Variants in SAAL1 observed in about 807,000 individuals in gnomAD.
The protein encoded by SAAL1 is serum amyloid A like 1, also known as protein SAAL1.
In SAAL1, 42 loss-of-function variants were observed where a neutral mutation model predicts 59.8. The observed-to-expected ratio is 0.70, with a 90% CI of 0.55 to 0.91. SAAL1 has a LOEUF of 0.91. SAAL1 is among the 40% of genes least tolerant of loss of function. SAAL1 has a pLI of 0.00. For missense variants in SAAL1, 542 were observed against 561.1 expected, an observed-to-expected ratio of 0.97 and a Z score of 0.34; for synonymous variants, 191 against 194.3, an observed-to-expected ratio of 0.98 and a Z score of 0.14.
intron 10 of SAAL1, among the ~76,000 whole-genome samples, chr11:18,082,205 A>G (rs1030585123): frequency 2.6e-5 from 4 of 152,036 alleles, no homozygotes; most frequent in Non-Finnish European, 5.9e-5. Flanking sequence ...AAAGAATGGG[A>G]AAAAAATACA....
intron 5 of SAAL1, 37 bp downstream of exon 5, chr11:18,090,397 G>A (rs1848511269): frequency 6.3e-7 from 1 of 1,588,910 alleles, no homozygotes; most frequent in Non-Finnish European, 8.5e-7. Flanking sequence ...CTACTCTTAT[G>A]AGTAACCTTA....
At position 18,087,149 on chromosome 11, in the gene SAAL1, C is replaced by G. The variant is rs775586584; in HGVS notation, c.847G>C (p.Ala283Pro). The G allele has an allele frequency of 6.2e-7, 1 of 1,612,136 alleles. No homozygotes were observed. The highest frequency in any genetic ancestry group is 1.1e-5 in the South Asian group (1 of 91,016). ...TCCCGATAAACCACCTTACCAATTG[C>G]TTGAATTCCATCATCCACTGTAGTA... The part of the protein sequence containing the change: ...LLTTVDDGIQ[A>P]IVHCPDTGKD... The change falls in exon 8 of 12, where the codon GCA (alanine) becomes CCA (proline). Residue 283 changes from alanine to proline, a missense_variant. Transcript: ENST00000524803.
At chr11:18,089,719 A>T (rs1292523835) in intron 6 of SAAL1, among the ~76,000 whole-genome samples, 1 of 152,178 alleles carries the variant, frequency 6.6e-6, no homozygotes, top group African/African-American at 2.4e-5. Context: ...GGAGTTTAAG[A>T]AATTTTGTAT....
chr11:18,103,922 T>C (rs1306339697), intron 1 of SAAL1, among the ~76,000 whole-genome samples: 3 of 152,328 alleles, frequency 2.0e-5, no homozygotes, highest in African/African-American at 7.2e-5. Flanking sequence ...TTCCTTGATT[T>C]AACACAATCA....
In SAAL1 at chr11:18,092,284, T is replaced by G; in HGVS notation, c.374A>C (p.Gln125Pro). Residue 125 changes from glutamine (Q) to proline (P), a missense_variant, in exon 4 of 12, where the codon CAG becomes CCG. Physicochemically the swap from Gln to Pro is moderately conservative, Grantham distance 76. Coordinates refer to ENST00000524803, the MANE Select transcript of SAAL1 (RefSeq NM_138421.3). ...ACTGCTGATGGACACACATATCTCC[T>G]GGAAACAGGCCATATTACCTAAAAT... ...VGILGNMACF[Q>P]EICVSISSDK... is the part of the protein sequence containing the mutation. The G allele has an allele frequency of 3.7e-6, 6 of 1,608,028 alleles. No individual in the cohort carries two copies. In the South Asian group the frequency reaches 6.6e-5, roughly 18 times the overall value.
rs748092915 is a variant in SAAL1, at chr11:18,090,466, A to G, written c.441T>C (p.Asp147=). ...LGQVLLHCLY[D]SDPPTLLETS... The stretch of plus-strand genomic sequence containing the variant: ...TTTCCAGCAGAGTAGGTGGGTCTGA[A>G]TCATACAAACAGTGCAATAACACCT... Residue 147 remains aspartate, a synonymous_variant, in exon 5 of 12, where the codon GAT becomes GAC. Transcript: ENST00000524803. The G allele has an allele frequency of 8.1e-6, 13 of 1,610,858 alleles. No homozygotes were observed. Among genetic ancestry groups the G allele is most frequent in the Non-Finnish European group, 1.0e-5 (12 of 1,179,232 alleles).
intron 4 of SAAL1, among the ~76,000 whole-genome samples, chr11:18,091,461 G>A (rs1848522809): frequency 1.3e-5 from 2 of 152,126 alleles, no homozygotes; most frequent in Admixed American, 1.3e-4. Context: ...CTCTGAACTA[G>A]GATCTTAAAG....
chr11:18,088,436 T>C (rs544068487), intron 7 of SAAL1, among the ~76,000 whole-genome samples: 93 of 152,254 alleles, frequency 6.1e-4, no homozygotes, highest in African/African-American at 2.2e-3. Context: ...GACCGAAGCA[T>C]GAGAGTGAAA....
chr11:18,080,295 T>C lies in SAAL1; in HGVS notation c.*104A>G. 1.4e-6 allele frequency: 1 copy of C among 712,422 alleles called. No individual in the cohort carries two copies. Among genetic ancestry groups the C allele is most frequent in the Non-Finnish European group, 2.3e-6 (1 of 433,002 alleles). 44.1% of individuals were successfully genotyped at this position (712,422 alleles called of 1,614,324 possible). ...GAAAAATGTTAACACCAGACAATTA[T>C]GGTCTAATATGGGCTTTAGTTAATA... On this transcript the variant is annotated 3_prime_UTR_variant, in exon 12 of 12. Transcript: ENST00000524803.
intron 9 of SAAL1, among the ~76,000 whole-genome samples, chr11:18,085,782 A>C (rs544303239): frequency 6.6e-6 from 1 of 152,238 alleles, no homozygotes; most frequent in Admixed American, 6.5e-5. Flanking sequence ...TGAAATTTCA[A>C]ATCAGTGTGG....
chr11:18,091,358 C>T (rs1002629195), intron 4 of SAAL1, among the ~76,000 whole-genome samples: 10 of 152,186 alleles, frequency 6.6e-5, no homozygotes, highest in Non-Finnish European at 1.3e-4. Flanking sequence ...TAACATTTCT[C>T]ATTTTTGGAT....
rs767943178 is a variant in SAAL1, at chr11:18,090,396, T to C, written c.473+38A>G. 2.5e-6 allele frequency: 4 copies of C among 1,588,584 alleles called. No individual in the cohort carries two copies. The African/African-American group carries it at 4.1e-5, about 16-fold the overall frequency. ...AACTTTTTTTTCTTATCTACTCTTA[T>C]GAGTAACCTTATAGAATTCATAAAA... On this transcript the variant is annotated intron_variant, in intron 5 of 11. Coordinates refer to ENST00000524803, the MANE Select transcript of SAAL1 (RefSeq NM_138421.3).
chr11:18,083,285 GT>G (rs1848429338), intron 10 of SAAL1: 1 of 262,650 alleles, frequency 3.8e-6, no homozygotes, highest in South Asian at 1.1e-4. Flanking sequence ...CATATGCTGG[GT>G]TAAAGTATAT....
chr11:18,097,668 A>G (rs1177235170), intron 2 of SAAL1, among the ~76,000 whole-genome samples: 1 of 151,938 alleles, frequency 6.6e-6, no homozygotes, highest in Non-Finnish European at 1.5e-5. Context: ...GTGAAAACCC[A>G]TATCCACAAA....
chr11:18,104,898 A>G (rs1269266286), intron 1 of SAAL1, among the ~76,000 whole-genome samples: 2 of 152,154 alleles, frequency 1.3e-5, no homozygotes, highest in Non-Finnish European at 2.9e-5. Context: ...AAAGAAGATT[A>G]TTCTGGCAGC....
intron 2 of SAAL1, among the ~76,000 whole-genome samples, chr11:18,097,767 G>A (rs1359429745): frequency 2.0e-5 from 3 of 151,734 alleles, no homozygotes; most frequent in Non-Finnish European, 4.4e-5. Context: ...TGAGCCTGGG[G>A]AGCTCAAGGT....
At chr11:18,083,224 A>G (rs1848428884) in intron 10 of SAAL1, 1 of 164,822 alleles carries the variant, frequency 6.1e-6, no homozygotes, top group African/African-American at 2.4e-5. Context: ...TAGAATCAAG[A>G]AAAATGTTTA....
In SAAL1 at chr11:18,086,910, A is replaced by G. The variant is rs773615171; in HGVS notation, c.998T>C (p.Ile333Thr). 4.3e-6 allele frequency: 7 copies of G among 1,614,066 alleles called. No homozygotes were observed. The South Asian group carries it at 6.6e-5, about 15-fold the overall frequency. Residue 333 changes from isoleucine (I) to threonine (T), a missense_variant, in exon 9 of 12, where the codon ATC becomes ACC. Coordinates refer to ENST00000524803, the MANE Select transcript of SAAL1 (RefSeq NM_138421.3). ...LASVFSVLSA[I>T]YASQTEQEYL... ...CTCTTGCTCAGTCTGTGAGGCATAG[A>G]TGGCAGACAACACTGAAAAAACAGA...
At chr11:18,101,272 C>T (rs1848630631) in intron 2 of SAAL1, among the ~76,000 whole-genome samples, 1 of 152,170 alleles carries the variant, frequency 6.6e-6, no homozygotes, top group Admixed American at 6.5e-5. Flanking sequence ...AGCCATGCCA[C>T]TTGATATATG....
Sources: allele counts gnomAD v4.1 joint callset (sites outside exome capture counted in the v4.1 genomes callset), GRCh38; gene constraint gnomAD v4.1.1; transcripts MANE v1.5; gene names NCBI Gene and HGNC (gene_info 2026-07-23, HGNC 2026-07-21).